RNF220: variants seen among roughly 807,000 people sequenced by gnomAD.
RNF220 encodes the protein E3 ubiquitin-protein ligase RNF220.
In RNF220, 7 loss-of-function variants were observed where a neutral mutation model predicts 67.1. That is an observed-to-expected ratio of 0.10 (90% CI 0.06 to 0.20). The LOEUF (loss-of-function observed/expected upper bound fraction) is 0.20, where lower values mean the gene tolerates loss of function less well. Among genes scored for constraint, RNF220 ranks in the 10% least tolerant of loss-of-function variants. RNF220 has a pLI of 1.00. For missense variants in RNF220, 565 were observed against 740.3 expected (o/e 0.76, Z 2.75); for synonymous variants, 270 against 283.2 (o/e 0.95, Z 0.47).
chr1:44,428,881 G>T (rs760206511), intron 2 of RNF220, among the ~76,000 whole-genome samples: 3 of 152,026 alleles, frequency 2.0e-5, no homozygotes, highest in Non-Finnish European at 2.9e-5. Flanking sequence ...GGGGAAAGTT[G>T]CAGTTGGAGG....
At chr1:44,644,593 TG>T in intron 8 of RNF220, 104 bp from the exon 9 acceptor site, 1 of 803,884 alleles carries the variant, frequency 1.2e-6, no homozygotes, top group Non-Finnish European at 2.1e-6. Context: ...GGTTTCCCTC[TG>T]GGCCTTATCA....
intron 8 of RNF220, among the ~76,000 whole-genome samples, chr1:44,639,832 G>A (rs1361363502): frequency 1.3e-5 from 2 of 151,996 alleles, no homozygotes; most frequent in African/African-American, 4.8e-5. Flanking sequence ...ACCCAGGCTG[G>A]AGGCTAGAGT....
At chr1:44,541,960 A>G (rs926329199) in intron 2 of RNF220, among the ~76,000 whole-genome samples, 4 of 152,222 alleles carry the variant, frequency 2.6e-5, no homozygotes, top group Non-Finnish European at 4.4e-5. Flanking sequence ...AGACCTTTGC[A>G]TCTCTCGCTG....
chr1:44,405,622 T>C, intron 1 of RNF220, 92 bp downstream of exon 1: 1 of 273,760 alleles, frequency 3.7e-6, no homozygotes, highest in Non-Finnish European at 6.9e-6. Flanking sequence ...CTGGCTAACT[T>C]TCCGGGTCCG....
At chr1:44,610,773 T>A (rs1573037393) in intron 2 of RNF220, among the ~76,000 whole-genome samples, 2 of 152,130 alleles carry the variant, frequency 1.3e-5, no homozygotes, top group African/African-American at 2.4e-5. Context: ...TGAAATGGAC[T>A]TCCAGATTCT....
intron 2 of RNF220, among the ~76,000 whole-genome samples, chr1:44,605,982 A>G (rs774196219): frequency 3.9e-5 from 6 of 152,232 alleles, no homozygotes; most frequent in Non-Finnish European, 8.8e-5. Flanking sequence ...CATGGGCCAC[A>G]GCTAAATACA....
chr1:44,640,391 C>T (rs1440681350), intron 8 of RNF220, among the ~76,000 whole-genome samples: 1 of 152,240 alleles, frequency 6.6e-6, no homozygotes, highest in Non-Finnish European at 1.5e-5. Context: ...CTTTAGTTCT[C>T]TCTGTCGCCT....
At chr1:44,638,145 C>CCCT (rs1262350381) in intron 8 of RNF220, among the ~76,000 whole-genome samples, 3 of 152,266 alleles carry the variant, frequency 2.0e-5, no homozygotes, top group Non-Finnish European at 4.4e-5. Flanking sequence ...CCCTCCCTGG[C>CCCT]CAGGACTGAT....
intron 2 of RNF220, among the ~76,000 whole-genome samples, chr1:44,456,659 A>G (rs950238865): frequency 5.9e-5 from 9 of 152,332 alleles, no homozygotes; most frequent in Admixed American, 1.3e-4. Flanking sequence ...TGCACTTCCT[A>G]TCTGTTGTCT....
intron 2 of RNF220, among the ~76,000 whole-genome samples, chr1:44,437,543 C>T (rs1027661570): frequency 7.2e-5 from 11 of 152,102 alleles, no homozygotes; most frequent in Admixed American, 5.9e-4. Flanking sequence ...ATACATTTAC[C>T]ATGGTGACTT....
At chr1:44,550,420 G>A (rs577773767) in intron 2 of RNF220, among the ~76,000 whole-genome samples, 1 of 152,298 alleles carries the variant, frequency 6.6e-6, no homozygotes, top group African/African-American at 2.4e-5. Flanking sequence ...AGCTGGTCTT[G>A]GTTTTGCAGA....
In RNF220 at chr1:44,405,374, C is replaced by CCTGCTG. The variant is rs773854878; in HGVS notation, c.-272_-271insGCTGCT. 3.3e-5 allele frequency: 19 copies of CCTGCTG among 578,714 alleles called. No individual in the cohort carries two copies. Among genetic ancestry groups the CCTGCTG allele is most frequent in the Non-Finnish European group, 5.3e-5 (17 of 319,188 alleles). The allele number at this position is 578,714 out of a possible 1,614,324, so 35.8% of individuals were successfully genotyped here. ...GCGAACACAAACCCGGGGCCAGCCG[C>CCTGCTG]CTACTGCTGCTGCTGCTGCTGCCGC... is the stretch of plus-strand genomic sequence containing the variant. On this transcript the variant is annotated 5_prime_UTR_variant, in exon 1 of 15. Coordinates refer to ENST00000361799, the MANE Select transcript of RNF220 (RefSeq NM_018150.4).
chr1:44,553,400 GAATGAA>G (rs1662828727), intron 2 of RNF220, among the ~76,000 whole-genome samples: 1 of 134,110 alleles, frequency 7.5e-6, no homozygotes, highest in Non-Finnish European at 1.7e-5. Context: ...ATGAATGAAT[GAATGAA>G]TGAATGCTTC....
chr1:44,505,660 G>A (rs1449442337), intron 2 of RNF220, among the ~76,000 whole-genome samples: 1 of 152,198 alleles, frequency 6.6e-6, no homozygotes, highest in Non-Finnish European at 1.5e-5. Context: ...GCCTTCAAAA[G>A]GAACAGTCCT....
chr1:44,489,039 T>C (rs1656613654), intron 2 of RNF220, among the ~76,000 whole-genome samples: 1 of 152,126 alleles, frequency 6.6e-6, no homozygotes, highest in Admixed American at 6.6e-5. Flanking sequence ...CTCTATTCTA[T>C]TGTATTTAAT....
At chr1:44,513,976 C>G (rs2148133132) in intron 2 of RNF220, among the ~76,000 whole-genome samples, 1 of 152,350 alleles carries the variant, frequency 6.6e-6, no homozygotes, top group East Asian at 1.9e-4. Flanking sequence ...AGAAAAGAAC[C>G]ATTCGAGTAA....
intron 2 of RNF220, among the ~76,000 whole-genome samples, chr1:44,484,328 G>A (rs1196262607): frequency 6.6e-6 from 1 of 152,100 alleles, no homozygotes; most frequent in Non-Finnish European, 1.5e-5. Flanking sequence ...CTCCACCTAC[G>A]ATCCAGTGAG....
chr1:44,635,839 G>C (rs1644312706), intron 7 of RNF220, 191 bp from the exon 8 acceptor site: 1 of 1,300,814 alleles, frequency 7.7e-7, no homozygotes, highest in Admixed American at 2.5e-5. Flanking sequence ...CCCTCCTTGG[G>C]CTCCAGCGGA....
intron 2 of RNF220, among the ~76,000 whole-genome samples, chr1:44,602,022 T>C (rs1269750735): frequency 6.6e-6 from 1 of 151,582 alleles, no homozygotes; most frequent in Non-Finnish European, 1.5e-5. Flanking sequence ...GGCTTGGGAG[T>C]TGGGAGAAGG....
Sources: allele counts gnomAD v4.1 joint callset (sites outside exome capture counted in the v4.1 genomes callset), GRCh38; gene constraint gnomAD v4.1.1; transcripts MANE v1.5; gene names NCBI Gene and HGNC (gene_info 2026-07-23, HGNC 2026-07-21).